Variants in ACVR2B observed in about 807,000 individuals in gnomAD.
ACVR2B encodes the protein activin A receptor type 2B, also known as activin receptor type-2B.
Under a neutral mutation model 65.1 loss-of-function variants are expected in ACVR2B, and 18 were observed. That is an observed-to-expected ratio of 0.28 (90% CI 0.19 to 0.41). ACVR2B has a LOEUF of 0.41. ACVR2B is among the 10% of genes least tolerant of loss of function. The probability of loss-of-function intolerance (pLI) is 1.00; values close to 1 mark genes in which losing one functional copy is unlikely to be tolerated. For synonymous variants in ACVR2B, 298 were observed against 277.7 expected, an observed-to-expected ratio of 1.07 and a Z score of -0.73; for missense variants, 482 against 682.7, an observed-to-expected ratio of 0.71 and a Z score of 3.28.
intron 1 of ACVR2B, among the ~76,000 whole-genome samples, chr3:38,471,800 G>C (rs955202372): frequency 5.3e-5 from 8 of 152,176 alleles, no homozygotes; most frequent in African/African-American, 1.9e-4. Flanking sequence ...ACCTGCACAG[G>C]TTTATCGTGA....
In ACVR2B at chr3:38,479,778, A is replaced by G; in HGVS notation, c.911A>G (p.Asp304Gly). Residue 304 changes from aspartate to glycine, a missense_variant, in exon 7 of 11, where the codon GAT becomes GGT. This residue lies in a region of ACVR2B where 223 missense variants were observed against 386.3 expected (regional missense o/e 0.58). Coordinates refer to ENST00000352511, the MANE Select transcript of ACVR2B (RefSeq NM_001106.4). The stretch of plus-strand genomic sequence containing the variant: ...CGAGGCCTCTCATACCTGCATGAGG[A>G]TGTGCCCTGGTGCCGTGGCGAGGGC... ...MSRGLSYLHE[D>G]VPWCRGEGHK... The G allele has an allele frequency of 6.2e-7, 1 of 1,614,218 alleles. No individual in the cohort carries two copies. The highest frequency in any genetic ancestry group is 8.5e-7 in the Non-Finnish European group (1 of 1,180,032).
Position 38,456,498 on chromosome 3 carries a change from G to A in ACVR2B, c.52+2124G>A, listed in dbSNP as rs142040450. On this transcript the variant is annotated intron_variant, in intron 1 of 10. Coordinates refer to ENST00000352511, the MANE Select transcript of ACVR2B (RefSeq NM_001106.4). The stretch of plus-strand genomic sequence containing the variant: ...CTAGTAGTCGTGTTAATAAAAGGAA[G>A]AAGAAACAGCTGTGTCTTAGCTGGG... 1.2e-3 allele frequency among the ~76,000 whole-genome samples: 186 copies of A among 152,354 alleles called. 1 individual carries two copies. The highest frequency in any genetic ancestry group is 0.01 in the Middle Eastern group (3 of 294).
At chr3:38,459,653 G>A (rs969254500) in intron 1 of ACVR2B, 6 of 985,408 alleles carry the variant, frequency 6.1e-6, no homozygotes, top group Non-Finnish European at 7.2e-6. Context: ...CCCCCAGGCC[G>A]GGGACACCAG....
In ACVR2B at chr3:38,481,461, G is replaced by T; in HGVS notation, c.1070G>T (p.Gly357Val). The change falls in exon 8 of 11, where the codon GGA (glycine) becomes GTA (valine). Residue 357 changes from glycine to valine, a missense_variant. Gly to Val is a moderately radical substitution (Grantham distance 109). Coordinates refer to ENST00000352511, the MANE Select transcript of ACVR2B (RefSeq NM_001106.4). The surrounding 1 kb of genome is among the most constrained non-coding windows in gnomAD (Gnocchi z 4.7). ...EPGKPPGDTH[G>V]QVGTRRYMAP... is the part of the protein sequence containing the mutation. ...GGGAAACCTCCAGGGGACACCCACGGACAGGTAACAGGCCTCACAGGGCAG... is the reference window on the plus strand; with the variant it reads ...GGGAAACCTCCAGGGGACACCCACGTACAGGTAACAGGCCTCACAGGGCAG... 1 of 1,614,014 alleles carries T rather than the reference G, an allele frequency of 6.2e-7. No individual in the cohort carries two copies. The highest frequency in any genetic ancestry group is 1.1e-5 in the South Asian group (1 of 91,072).
At chr3:38,467,099 G>A (rs970907771) in intron 1 of ACVR2B, among the ~76,000 whole-genome samples, 1 of 152,148 alleles carries the variant, frequency 6.6e-6, no homozygotes, top group African/African-American at 2.4e-5. Flanking sequence ...TTTTGATAAG[G>A]CATGCTATCA....
rs1353190405 is a variant in ACVR2B, at chr3:38,454,382, C to T, written c.52+8C>T. ...GGGGATCGCTGTGCGCCGGTAAGAA[C>T]TGGGCGCGGCGCGGGGACGCCGAGA... On this transcript the variant is annotated splice_region_variant and intron_variant, in intron 1 of 10. Transcript: ENST00000352511. The T allele has an allele frequency of 1.6e-6, 2 of 1,254,476 alleles. No individual in the cohort carries two copies. The highest frequency in any genetic ancestry group is 1.0e-6 in the Non-Finnish European group (1 of 1,000,270). The allele number at this position is 1,254,476 out of a possible 1,614,324, so 77.7% of individuals were successfully genotyped here.
At position 38,489,481 on chromosome 3, in the gene ACVR2B, C is replaced by G. The variant is rs1007422895; in HGVS notation, c.*6149C>G. 1 of 152,524 alleles carries G rather than the reference C, an allele frequency of 6.6e-6. No individual in the cohort carries two copies. The highest frequency in any genetic ancestry group is 6.6e-5 in the Admixed American group (1 of 15,256). 9.4% of individuals were successfully genotyped at this position (152,524 alleles called of 1,614,324 possible). A position where few individuals can be genotyped will look rare whatever the true frequency, so the allele number is the denominator to read the frequency against. Reference sequence around the variant, plus strand: ...TTGTGATACACTGGCAGACTGGAGTCAATTTGCGGGTCTTTTTTGGCCAAA... The same window carrying G: ...TTGTGATACACTGGCAGACTGGAGTGAATTTGCGGGTCTTTTTTGGCCAAA... On this transcript the variant is annotated 3_prime_UTR_variant, in exon 11 of 11. Transcript: ENST00000352511.
chr3:38,465,774 AAATT>A (rs1158510851), intron 1 of ACVR2B, among the ~76,000 whole-genome samples: 2 of 152,244 alleles, frequency 1.3e-5, no homozygotes, highest in African/African-American at 4.8e-5. Context: ...GAACTTTCTA[AAATT>A]AATTAAAGAC....
At position 38,486,646 on chromosome 3, in the gene ACVR2B, G is replaced by A. The variant is rs1421193009; in HGVS notation, c.*3314G>A. 1 of 152,190 alleles carries A rather than the reference G, an allele frequency of 6.6e-6. No homozygotes were observed. Among genetic ancestry groups the A allele is most frequent in the Non-Finnish European group, 1.5e-5 (1 of 68,052 alleles). The allele number at this position is 152,190 out of a possible 1,614,324, so 9.4% of individuals were successfully genotyped here. A position where few individuals can be genotyped will look rare whatever the true frequency, so the allele number is the denominator to read the frequency against. ...GGCATCATTTTCCCTGTCAATGGGA[G>A]GGGCTGTTCCATGCAGGGTGGGAGG... On this transcript the variant is annotated 3_prime_UTR_variant, in exon 11 of 11. Coordinates refer to ENST00000352511, the MANE Select transcript of ACVR2B (RefSeq NM_001106.4).
rs1310086194 is a variant in ACVR2B, at chr3:38,481,942, T to C, written c.1075-256T>C. Reference sequence around the variant, plus strand: ...TATCATCTGTAGTTCCTTGTATTAATTTGGTAACAATTCCATTTTAGATTA... The same window carrying C: ...TATCATCTGTAGTTCCTTGTATTAACTTGGTAACAATTCCATTTTAGATTA... On this transcript the variant is annotated intron_variant, in intron 8 of 10. Coordinates refer to ENST00000352511, the MANE Select transcript of ACVR2B (RefSeq NM_001106.4). This position sits in a 1 kb window ranked among gnomAD's most constrained non-coding sequence, Gnocchi z 4.7. 6.6e-6 allele frequency among the ~76,000 whole-genome samples: 1 copy of C among 152,228 alleles called. No individual in the cohort carries two copies. Among genetic ancestry groups the C allele is most frequent in the Non-Finnish European group, 1.5e-5 (1 of 68,040 alleles).
rs572936580 is a variant in ACVR2B at position 38,487,671 on chromosome 3, C to G, written c.*4339C>G. 3 of 152,280 alleles carry G rather than the reference C, an allele frequency of 2.0e-5. No individual in the cohort carries two copies. Among genetic ancestry groups the G allele is most frequent in the Non-Finnish European group, 4.4e-5 (3 of 68,036 alleles). The allele number at this position is 152,280 out of a possible 1,614,324, so 9.4% of individuals were successfully genotyped here. On this transcript the variant is annotated 3_prime_UTR_variant, in exon 11 of 11. Coordinates refer to ENST00000352511, the MANE Select transcript of ACVR2B (RefSeq NM_001106.4). ...GGAGTATTGGATGGCCCTCTTGAAA[C>G]TAGAATTTTGCCTTTTTTAGTATGC...
rs1348884935 is a variant in ACVR2B at position 38,492,729 on chromosome 3, A to T, written c.*9397A>T. 1.7e-5 allele frequency: 2 copies of T among 120,262 alleles called. No homozygotes were observed. The highest frequency in any genetic ancestry group is 3.7e-5 in the Non-Finnish European group (2 of 54,788). 7.4% of individuals were successfully genotyped at this position (120,262 alleles called of 1,614,324 possible). A position where few individuals can be genotyped will look rare whatever the true frequency, so the allele number is the denominator to read the frequency against. Reference sequence around the variant, plus strand: ...AAAGTGTGCTGATTTATATATATATATTACACACACACACACACACACACA... The same window carrying T: ...AAAGTGTGCTGATTTATATATATATTTTACACACACACACACACACACACA... On this transcript the variant is annotated 3_prime_UTR_variant, in exon 11 of 11. Transcript: ENST00000352511.
chr3:38,469,829 A>T (rs956983110), intron 1 of ACVR2B, among the ~76,000 whole-genome samples: 2 of 152,238 alleles, frequency 1.3e-5, no homozygotes, highest in African/African-American at 4.8e-5. Context: ...TGTCAGAAGC[A>T]GACTTTCAAG....
Position 38,483,026 on chromosome 3 carries a change from C to T in ACVR2B, c.1345-112C>T, listed in dbSNP as rs1710045438. Reference sequence around the variant, plus strand: ...GGTGGACCTGCTGCTGTGGTTGGGGCTGGTGGGCTCTGCCTGATCCTTGGG... The same window carrying T: ...GGTGGACCTGCTGCTGTGGTTGGGGTTGGTGGGCTCTGCCTGATCCTTGGG... On this transcript the variant is annotated intron_variant, in intron 10 of 10. Coordinates refer to ENST00000352511, the MANE Select transcript of ACVR2B (RefSeq NM_001106.4). This position sits in a 1 kb window ranked among gnomAD's most constrained non-coding sequence, Gnocchi z 4.8. 3 of 1,237,868 alleles carry T rather than the reference C, an allele frequency of 2.4e-6. No homozygotes were observed. Among genetic ancestry groups the T allele is most frequent in the Admixed American group, 1.7e-5 (1 of 59,494 alleles). 76.7% of individuals were successfully genotyped at this position (1,237,868 alleles called of 1,614,324 possible).
chr3:38,465,347 G>T (rs1047769684), intron 1 of ACVR2B, among the ~76,000 whole-genome samples: 1 of 134,460 alleles, frequency 7.4e-6, no homozygotes, highest in African/African-American at 2.9e-5. Flanking sequence ...GCAGTGAGCT[G>T]AAATCGCACC....
At chr3:38,474,338 G>T (rs563372183) in intron 1 of ACVR2B, 28 of 152,554 alleles carry the variant, frequency 1.8e-4, no homozygotes, top group African/African-American at 6.5e-4. Flanking sequence ...TTGGGCTCCT[G>T]CCTCAGCACA....
chr3:38,486,033 GAGA>G lies in ACVR2B; in HGVS notation c.*2704_*2706del, dbSNP rs1237866341. The G allele has an allele frequency of 1.3e-5, 2 of 152,650 alleles. No individual in the cohort carries two copies. The highest frequency in any genetic ancestry group is 4.8e-5 in the African/African-American group (2 of 41,440). The allele number at this position is 152,650 out of a possible 1,614,324, so 9.5% of individuals were successfully genotyped here. On this transcript the variant is annotated 3_prime_UTR_variant, in exon 11 of 11. Transcript: ENST00000352511. ...TTTTGTGTGCTGGCTTGATTCTTGTGAGAAGTTTTGACCTGGCCAAGGGAGGGT... is the reference window on the plus strand; with the variant it reads ...TTTTGTGTGCTGGCTTGATTCTTGTGAGTTTTGACCTGGCCAAGGGAGGGT...
chr3:38,489,481 C>T lies in ACVR2B; in HGVS notation c.*6149C>T, dbSNP rs1007422895. ...TTGTGATACACTGGCAGACTGGAGT[C>T]AATTTGCGGGTCTTTTTTGGCCAAA... On this transcript the variant is annotated 3_prime_UTR_variant, in exon 11 of 11. Coordinates refer to ENST00000352511, the MANE Select transcript of ACVR2B (RefSeq NM_001106.4). 1 of 152,524 alleles carries T rather than the reference C, an allele frequency of 6.6e-6. No individual in the cohort carries two copies. Among genetic ancestry groups the T allele is most frequent in the Non-Finnish European group, 1.5e-5 (1 of 68,038 alleles). The allele number at this position is 152,524 out of a possible 1,614,324, so 9.4% of individuals were successfully genotyped here.
chr3:38,455,284 G>C (rs949734932), intron 1 of ACVR2B, among the ~76,000 whole-genome samples: 3 of 152,158 alleles, frequency 2.0e-5, no homozygotes, highest in African/African-American at 7.2e-5. Context: ...GCGCCGGGAC[G>C]TCCCCTGGCC....
Sources: gnomAD v4.1 joint callset for allele counts (sites outside exome capture counted in the v4.1 genomes callset) on GRCh38, gnomAD v4.1.1 for gene constraint, gnomAD v4.1.1 regional missense constraint, Gnocchi (gnomAD v3.1) non-coding constraint, MANE v1.5 for transcripts, NCBI Gene and HGNC (gene_info 2026-07-23, HGNC 2026-07-21) for gene names.